Variants in PTPRD observed in about 807,000 individuals in gnomAD.
PTPRD encodes the protein protein tyrosine phosphatase receptor type D.
In PTPRD, 34 loss-of-function variants were observed where a neutral mutation model predicts 214.5. The observed-to-expected ratio is 0.16, with a 90% CI of 0.12 to 0.21. PTPRD has a LOEUF of 0.21. Among genes scored for constraint, PTPRD ranks in the 10% least tolerant of loss-of-function variants. PTPRD has a pLI of 1.00. For missense variants in PTPRD, 2,545 were observed against 2,398.7 expected, an observed-to-expected ratio of 1.06 and a Z score of -1.27; for synonymous variants, 1,128 against 845.7, an observed-to-expected ratio of 1.33 and a Z score of -5.79.
intron 11 of PTPRD, among the ~76,000 whole-genome samples, chr9:8,769,004 G>A (rs1388598692): frequency 6.6e-6 from 1 of 152,158 alleles, no homozygotes; most frequent in Admixed American, 6.5e-5. Flanking sequence ...TGGCAGGGAG[G>A]CACAGGGGAG....
At chr9:9,816,675 T>G (rs1350328415) in intron 5 of PTPRD, among the ~76,000 whole-genome samples, 1 of 152,044 alleles carries the variant, frequency 6.6e-6, no homozygotes, top group Non-Finnish European at 1.5e-5. Flanking sequence ...TTCTGAAGCC[T>G]ATAAACACGT....
At position 8,550,199 on chromosome 9, in the gene PTPRD, G is replaced by A. The variant is rs370381639; in HGVS notation, c.353-21420C>T. On this transcript the variant is annotated intron_variant, in intron 14 of 45. Transcript: ENST00000381196. ...GTTCTATTGGCTTATGATTGCTCTG[G>A]CCTTTTAAATAGGCCTACATTCCAA... 5.3e-5 allele frequency among the ~76,000 whole-genome samples: 8 copies of A among 152,162 alleles called. No homozygotes were observed. The East Asian group carries it at 1.5e-3, about 29-fold the overall frequency.
intron 8 of PTPRD, among the ~76,000 whole-genome samples, chr9:9,538,590 G>A (rs947537489): frequency 1.6e-4 from 25 of 151,986 alleles, no homozygotes; most frequent in African/African-American, 5.8e-4. Context: ...GTAATGCTAT[G>A]CTGCATACTG....
In PTPRD at chr9:8,500,858, TC is replaced by T. The variant is rs1465241800; in HGVS notation, c.2023del (p.Glu675AsnfsTer13). The T allele has an allele frequency of 6.2e-7, 1 of 1,614,154 alleles. No individual in the cohort carries two copies. The highest frequency in any genetic ancestry group is 1.7e-5 in the Admixed American group (1 of 60,020). ...IPSDTTKYLL[E>X]QLEKWTEYRI... Reference sequence around the variant, plus strand: ...GTATTCAGTCCATTTTTCCAGCTGTTCCAAAAGGTATTTGGTAGTGTCCGAA... The same window carrying T: ...GTATTCAGTCCATTTTTCCAGCTGTTCAAAAGGTATTTGGTAGTGTCCGAA... On this transcript the variant is annotated frameshift_variant, in exon 24 of 46. Coordinates refer to ENST00000381196, the MANE Select transcript of PTPRD (RefSeq NM_002839.4). LOFTEE classifies it high-confidence loss of function.
intron 9 of PTPRD, among the ~76,000 whole-genome samples, chr9:9,312,349 T>C (rs546496036): frequency 1.0e-3 from 152 of 152,292 alleles, no homozygotes; most frequent in Middle Eastern, 3.4e-3. Context: ...TTACAGGGGA[T>C]TTTAAAAGTT....
intron 9 of PTPRD, among the ~76,000 whole-genome samples, chr9:9,294,143 G>C (rs562866638): frequency 2.4e-4 from 36 of 151,578 alleles, no homozygotes; most frequent in African/African-American, 8.7e-4. Flanking sequence ...ATCCTGGGAG[G>C]GATGACATGA....
chr9:10,175,753 G>T (rs2099244421), intron 3 of PTPRD, among the ~76,000 whole-genome samples: 1 of 149,698 alleles, frequency 6.7e-6, no homozygotes, highest in Non-Finnish European at 1.5e-5. Context: ...CAAAGTATGT[G>T]GAATAGTATG....
At chr9:9,799,598 T>G (rs1368254392) in intron 5 of PTPRD, 1 of 152,074 alleles carries the variant, frequency 6.6e-6, no homozygotes, top group Non-Finnish European at 1.5e-5. Context: ...TAAACACTAA[T>G]GAGAACCAAG....
chr9:9,978,229 G>C (rs1293424576), intron 4 of PTPRD, among the ~76,000 whole-genome samples: 1 of 152,108 alleles, frequency 6.6e-6, no homozygotes, highest in African/African-American at 2.4e-5. Context: ...TGGACTCATA[G>C]ATCACCTGAG....
chr9:10,266,132 G>GACAC (rs1282040452), intron 3 of PTPRD, among the ~76,000 whole-genome samples: 1 of 152,024 alleles, frequency 6.6e-6, no homozygotes, highest in Non-Finnish European at 1.5e-5. Context: ...CATGTGGACA[G>GACAC]ACACACACAT....
chr9:9,894,611 C>T (rs996643325), intron 5 of PTPRD, among the ~76,000 whole-genome samples: 3 of 151,994 alleles, frequency 2.0e-5, no homozygotes. Context: ...TCCTTAAATT[C>T]CCTCTGTACT....
intron 12 of PTPRD, among the ~76,000 whole-genome samples, chr9:8,690,388 A>T (rs1565307646): frequency 1.3e-5 from 2 of 151,754 alleles, no homozygotes. Context: ...TTAGCCGGGC[A>T]TGGTGGTGGG....
chr9:9,041,639 C>T (rs896142956), intron 10 of PTPRD, among the ~76,000 whole-genome samples: 9 of 152,120 alleles, frequency 5.9e-5, no homozygotes, highest in East Asian at 5.8e-4. Context: ...CCTGAGGAGG[C>T]GTGAACTCAA....
rs1192810120 is a variant in PTPRD, at chr9:8,315,009, T to C, written c.*2865A>G. The C allele has an allele frequency of 4.3e-6, 1 of 232,436 alleles. No homozygotes were observed. Among genetic ancestry groups the C allele is most frequent in the Admixed American group, 5.6e-5 (1 of 17,714 alleles). 14.4% of individuals were successfully genotyped at this position (232,436 alleles called of 1,614,324 possible). ...TATATTTTGATTTTTTTTACCATTGTAACTAATTACAAAATTATACATAAC... is the reference window on the plus strand; with the variant it reads ...TATATTTTGATTTTTTTTACCATTGCAACTAATTACAAAATTATACATAAC... On this transcript the variant is annotated 3_prime_UTR_variant, in exon 46 of 46. Transcript: ENST00000381196.
At chr9:8,790,483 T>A (rs1365370343) in intron 11 of PTPRD, among the ~76,000 whole-genome samples, 4 of 152,052 alleles carry the variant, frequency 2.6e-5, no homozygotes, top group Non-Finnish European at 5.9e-5. Context: ...AGTGGTGCGA[T>A]CTTGGCTCAC....
chr9:9,198,177 A>C (rs1041638251), intron 9 of PTPRD, among the ~76,000 whole-genome samples: 26 of 152,060 alleles, frequency 1.7e-4, no homozygotes, highest in African/African-American at 5.1e-4. Flanking sequence ...TATTATTTTA[A>C]TTTCACTTAG....
At chr9:8,964,165 C>T (rs1196222302) in intron 11 of PTPRD, among the ~76,000 whole-genome samples, 1 of 115,508 alleles carries the variant, frequency 8.7e-6, no homozygotes, top group Non-Finnish European at 1.7e-5. Flanking sequence ...TGGAATTTGG[C>T]TGTGAATCTA....
At chr9:8,799,562 T>C (rs2096529378) in intron 11 of PTPRD, among the ~76,000 whole-genome samples, 1 of 152,204 alleles carries the variant, frequency 6.6e-6, no homozygotes, top group African/African-American at 2.4e-5. Context: ...ATCTGTAAAG[T>C]AAGCAAGGAA....
chr9:10,009,094 C>G (rs2096545772), intron 4 of PTPRD, among the ~76,000 whole-genome samples: 3 of 151,802 alleles, frequency 2.0e-5, no homozygotes, highest in African/African-American at 7.2e-5. Flanking sequence ...AATCAATTAC[C>G]TAATGTCATA....
Sources: gnomAD v4.1 joint callset for allele counts (sites outside exome capture counted in the v4.1 genomes callset) on GRCh38, gnomAD v4.1.1 for gene constraint, MANE v1.5 for transcripts, NCBI Gene and HGNC (gene_info 2026-07-23, HGNC 2026-07-21) for gene names.